Variants in RIMKLB observed in about 807,000 individuals in gnomAD.
RIMKLB encodes beta-citrylglutamate synthase B.
A neutral mutation model predicts 32.0 loss-of-function variants in RIMKLB; 7 were observed. The observed-to-expected ratio is 0.22, with a 90% CI of 0.12 to 0.41. The LOEUF is 0.41. Among genes scored for constraint, RIMKLB ranks in the 10% least tolerant of loss-of-function variants. RIMKLB has a pLI of 1.00. For missense variants in RIMKLB, 289 were observed against 498.7 expected (o/e 0.58, Z 4.00); for synonymous variants, 172 against 185.1 (o/e 0.93, Z 0.57).
chr12:8,720,111 A>G (rs1193172987), intron 2 of RIMKLB, among the ~76,000 whole-genome samples: 3 of 152,224 alleles, frequency 2.0e-5, no homozygotes, highest in Non-Finnish European at 4.4e-5. Flanking sequence ...TGGAACTTTC[A>G]GTGCCAGGAT....
chr12:8,747,945 G>T (rs2137668674), intron 2 of RIMKLB, among the ~76,000 whole-genome samples: 1 of 152,070 alleles, frequency 6.6e-6, no homozygotes, highest in Non-Finnish European at 1.5e-5. Flanking sequence ...TAGTAGAGAT[G>T]GGGTTTCACC....
In RIMKLB at chr12:8,782,404, T is replaced by TAC. The variant is rs61435385; in HGVS notation, c.*298-498_*298-497dup. On this transcript the variant is annotated intron_variant, in intron 7 of 7. Coordinates refer to the RIMKLB transcript ENST00000619374. ...GTACGGAGACATCTTTGTGGTTTTATACACACACACATATATATATTTAAC... is the reference window on the plus strand; with the variant it reads ...GTACGGAGACATCTTTGTGGTTTTATACACACACACACATATATATATTTAAC... Among the ~76,000 whole-genome samples, 388 of 152,186 alleles carry TAC rather than the reference T, an allele frequency of 2.5e-3. 3 individuals are homozygous for TAC. The highest frequency in any genetic ancestry group is 8.9e-3 in the African/African-American group (369 of 41,536).
At chr12:8,769,156 A>AG (rs34402707) in intron 5 of RIMKLB, among the ~76,000 whole-genome samples, 3 of 152,148 alleles carry the variant, frequency 2.0e-5, no homozygotes, top group African/African-American at 7.2e-5. Context: ...CTTTGATCCA[A>AG]GGGATCAGTT....
rs181860231 is a variant in RIMKLB, at chr12:8,721,111, T to A, written c.175+7070T>A. On this transcript the variant is annotated intron_variant, in intron 2 of 5. Transcript: ENST00000535829. ...TAATTGTAATGTGTTTTGATGAAGA[T>A]CTCTTTATAGGCACACCTTGGAGAT... Among the ~76,000 whole-genome samples the A allele has an allele frequency of 2.2e-3, 342 of 152,312 alleles. 3 individuals are homozygous for A. In the Middle Eastern group the frequency reaches 0.031, roughly 14 times the overall value.
intron 5 of RIMKLB, among the ~76,000 whole-genome samples, chr12:8,756,478 A>T (rs1445909364): frequency 6.6e-6 from 1 of 152,098 alleles, no homozygotes; most frequent in African/African-American, 2.4e-5. Flanking sequence ...CAAAGAAGAG[A>T]ATACATGTAT....
chr12:8,700,426 AG>A (rs1193436034), intron 1 of RIMKLB: 1 of 152,272 alleles, frequency 6.6e-6, no homozygotes, highest in African/African-American at 2.4e-5. Flanking sequence ...CATGAACACT[AG>A]TAGGGGATGG....
Position 8,775,874 on chromosome 12 carries a change from A to G in RIMKLB, c.*2090A>G. The G allele has an allele frequency of 1.0e-6, 1 of 985,160 alleles. No homozygotes were observed. The highest frequency in any genetic ancestry group is 1.2e-6 in the Non-Finnish European group (1 of 829,692). The allele number at this position is 985,160 out of a possible 1,614,324, so 61.0% of individuals were successfully genotyped here. On this transcript the variant is annotated 3_prime_UTR_variant, in exon 6 of 6. Coordinates refer to ENST00000535829, the MANE Select transcript of RIMKLB (RefSeq NM_001297776.2). ...AAAAGAACTTATCTTGCGCAGGGTA[A>G]ATGGGGGACTCACATACATATATTA...
chr12:8,685,555 G>A (rs758057231), intron 1 of RIMKLB, among the ~76,000 whole-genome samples: 1 of 149,158 alleles, frequency 6.7e-6, no homozygotes, highest in Non-Finnish European at 1.5e-5. Flanking sequence ...TTAAATTGTT[G>A]CATTCCGTTT....
At chr12:8,760,291 A>G (rs370880753) in intron 5 of RIMKLB, among the ~76,000 whole-genome samples, 2 of 152,206 alleles carry the variant, frequency 1.3e-5, no homozygotes, top group South Asian at 2.1e-4. Flanking sequence ...TTTTATGGCT[A>G]CATAGTATTC....
the RIMKLB span, among the ~76,000 whole-genome samples, chr12:8,675,117 C>T: frequency 2.6e-5 from 4 of 152,122 alleles, no homozygotes; most frequent in Admixed American, 2.6e-4. Flanking sequence ...CCCACTTTGG[C>T]CTCAAAATGC....
intron 2 of RIMKLB, among the ~76,000 whole-genome samples, chr12:8,744,025 G>T (rs1238033306): frequency 1.3e-5 from 2 of 151,898 alleles, no homozygotes; most frequent in African/African-American, 4.9e-5. Flanking sequence ...GTGGAATCGT[G>T]GGTAAAGTTC....
intron 1 of RIMKLB, among the ~76,000 whole-genome samples, chr12:8,701,169 G>T (rs1943361412): frequency 6.6e-6 from 1 of 152,216 alleles, no homozygotes; most frequent in South Asian, 2.1e-4. Flanking sequence ...GTGCTGATAT[G>T]TGCAGTTGTT....
At chr12:8,760,875 C>T (rs2137989784) in intron 5 of RIMKLB, among the ~76,000 whole-genome samples, 1 of 151,982 alleles carries the variant, frequency 6.6e-6, no homozygotes, top group Non-Finnish European at 1.5e-5. Context: ...CAAAAATTTT[C>T]TCCCATTCTG....
rs775880845 is a variant in RIMKLB at position 8,733,446 on chromosome 12, G to A, written c.176-16416G>A. Among the ~76,000 whole-genome samples the A allele has an allele frequency of 3.3e-5, 5 of 152,250 alleles. No individual in the cohort carries two copies. The South Asian group carries it at 8.3e-4, about 25-fold the overall frequency. Reference sequence around the variant, plus strand: ...TACTACCATAGCCATGAATAGACACGGAGGAGGAGAATGTTCTATTATTAA... The same window carrying A: ...TACTACCATAGCCATGAATAGACACAGAGGAGGAGAATGTTCTATTATTAA... On this transcript the variant is annotated intron_variant, in intron 2 of 5. Coordinates refer to ENST00000535829, the MANE Select transcript of RIMKLB (RefSeq NM_001297776.2).
chr12:8,709,278 T>A (rs1944164725), intron 1 of RIMKLB, among the ~76,000 whole-genome samples: 1 of 152,258 alleles, frequency 6.6e-6, no homozygotes, highest in Non-Finnish European at 1.5e-5. Flanking sequence ...ATTGGTGCAC[T>A]TTTGAGCTCC....
In RIMKLB at chr12:8,753,990, G is replaced by C. The variant is rs1461022472; in HGVS notation, c.594G>C (p.Glu198Asp). Residue 198 changes from glutamate (E) to aspartate (D), a missense_variant, in exon 5 of 6, where the codon GAG becomes GAC. Physicochemically the swap from Glu to Asp is conservative, Grantham distance 45. Coordinates refer to ENST00000535829, the MANE Select transcript of RIMKLB (RefSeq NM_001297776.2). ...ACCTGTTCCAGAAGTATGTTAAAGA[G>C]TCTCATGGACGGGATGTACGTGTCA... ...APYLFQKYVK[E>D]SHGRDVRVIV... The C allele has an allele frequency of 6.2e-7, 1 of 1,613,846 alleles. No individual in the cohort carries two copies. Among genetic ancestry groups the C allele is most frequent in the African/African-American group, 1.3e-5 (1 of 74,922 alleles).
chr12:8,751,808 T>TTA, intron 3 of RIMKLB, 149 bp from the exon 4 acceptor site: 6 of 599,176 alleles, frequency 1.0e-5, no homozygotes, highest in Non-Finnish European at 1.8e-5. Flanking sequence ...TATTTTCAAC[T>TTA]TACACATACT....
intron 1 of RIMKLB, among the ~76,000 whole-genome samples, chr12:8,690,751 CCT>C (rs978593525): frequency 2.0e-5 from 3 of 152,056 alleles, no homozygotes; most frequent in African/African-American, 4.8e-5. Context: ...GGTGAAACCC[CCT>C]CTCTCCTAAA....
intron 1 of RIMKLB, among the ~76,000 whole-genome samples, chr12:8,691,433 AC>A (rs910022981): frequency 6.6e-6 from 1 of 151,644 alleles, no homozygotes; most frequent in Admixed American, 6.6e-5. Flanking sequence ...ACATGGTGAG[AC>A]CCCCATCTCT....
Sources: allele counts gnomAD v4.1 joint callset (sites outside exome capture counted in the v4.1 genomes callset), GRCh38; gene constraint gnomAD v4.1.1; transcripts MANE v1.5; gene names NCBI Gene and HGNC (gene_info 2026-07-23, HGNC 2026-07-21).